Variants in CFAP46 observed in about 807,000 individuals in gnomAD.
The protein encoded by CFAP46 is cilia- and flagella-associated protein 46.
In CFAP46, 245 loss-of-function variants were observed where a neutral mutation model predicts 325.7. The ratio of observed to expected loss-of-function variants is 0.75; its 90% CI spans 0.68 to 0.84. CFAP46 has a LOEUF of 0.84. Among genes scored for constraint, CFAP46 ranks in the 40% least tolerant of loss-of-function variants. The probability of loss-of-function intolerance (pLI) is 0.00; values close to 1 mark genes in which losing one functional copy is unlikely to be tolerated. For missense variants in CFAP46, 3,346 were observed against 3,543.0 expected, an observed-to-expected ratio of 0.94 and a Z score of 1.41; for synonymous variants, 1,523 against 1,495.9, an observed-to-expected ratio of 1.02 and a Z score of -0.42.
At chr10:132,937,340 T>C in intron 6 of CFAP46, 1 of 587,838 alleles carries the variant, frequency 1.7e-6, no homozygotes, top group Admixed American at 3.6e-5. Flanking sequence ...CAAAAGACCC[T>C]GTTTTGTTTT....
rs1457530982 is a variant in CFAP46, at chr10:132,919,631, C to T, written c.1731-189G>A. 6.6e-6 allele frequency among the ~76,000 whole-genome samples: 1 copy of T among 152,098 alleles called. No homozygotes were observed. Among genetic ancestry groups the T allele is most frequent in the East Asian group, 1.9e-4 (1 of 5,174 alleles). On this transcript the variant is annotated intron_variant, in intron 14 of 57. Transcript: ENST00000368586. This position sits in a 1 kb window ranked among gnomAD's most constrained non-coding sequence, Gnocchi z 9.7. ...TGTCCCAGGGTCGGGCGCAGCTCTC[C>T]GCTCTCCCTGCCAGCCAGCTGTGCG...
At chr10:132,900,437 C>T (rs1024517995) in intron 22 of CFAP46, among the ~76,000 whole-genome samples, 3 of 152,378 alleles carry the variant, frequency 2.0e-5, no homozygotes, top group South Asian at 4.1e-4. Context: ...CACGCCCTTG[C>T]GGCTCAGCTC....
At chr10:132,836,412 C>G (rs1400919578) in intron 45 of CFAP46, among the ~76,000 whole-genome samples, 194 bp from the exon 46 acceptor site, 1 of 152,178 alleles carries the variant, frequency 6.6e-6, no homozygotes, top group Non-Finnish European at 1.5e-5. Flanking sequence ...GGATTGAGAA[C>G]ACGCTGGGTC....
intron 39 of CFAP46, among the ~76,000 whole-genome samples, chr10:132,851,779 G>T (rs1036926945): frequency 1.3e-5 from 2 of 152,388 alleles, no homozygotes; most frequent in Middle Eastern, 3.4e-3. Flanking sequence ...CAGTTCTGGG[G>T]CTACTACCAA....
At chr10:132,913,328 G>A (rs891875322) in intron 17 of CFAP46, 70 bp from the exon 18 acceptor site, 7 of 1,296,986 alleles carry the variant, frequency 5.4e-6, no homozygotes, top group Non-Finnish European at 1.1e-6. Context: ...CAGGAAGGCT[G>A]CGGGGCCTGT....
At chr10:132,879,315 G>A (rs1849003279) in intron 29 of CFAP46, 111 bp downstream of exon 29, 4 of 1,092,754 alleles carry the variant, frequency 3.7e-6, no homozygotes, top group Non-Finnish European at 5.0e-6. Flanking sequence ...AGGTCTTTAG[G>A]AAATGCTGGG....
intron 50 of CFAP46, among the ~76,000 whole-genome samples, chr10:132,825,283 GCTGATGTGTGCTGTGTGTA>G (rs1272661886): frequency 2.7e-5 from 4 of 148,456 alleles, no homozygotes; most frequent in Non-Finnish European, 4.5e-5. Flanking sequence ...CTGTGTGTGT[GCTGATGTGTGCTGTGTGTA>G]CTGATGTGTG....
intron 10 of CFAP46, among the ~76,000 whole-genome samples, chr10:132,926,105 G>A (rs552696412): frequency 4.1e-4 from 62 of 152,364 alleles, no homozygotes; most frequent in African/African-American, 1.4e-3. Flanking sequence ...CAGACAGCAG[G>A]ACAGAGGTGG....
At chr10:132,821,993 TTGTGTGTGC>T (rs1448477891) in intron 50 of CFAP46, among the ~76,000 whole-genome samples, 3 of 129,698 alleles carry the variant, frequency 2.3e-5, no homozygotes, top group African/African-American at 3.2e-5. Flanking sequence ...GTGTGTGCGC[TTGTGTGTGC>T]TGTGTGTGCT....
intron 29 of CFAP46, among the ~76,000 whole-genome samples, chr10:132,879,130 G>A (rs1207756695): frequency 1.3e-5 from 2 of 152,312 alleles, no homozygotes; most frequent in South Asian, 4.1e-4. Flanking sequence ...AGGGAGGACC[G>A]GCTGATCTGG....
chr10:132,932,387 G>A (rs1174829922), intron 8 of CFAP46, among the ~76,000 whole-genome samples: 1 of 138,264 alleles, frequency 7.2e-6, no homozygotes, highest in African/African-American at 2.8e-5. Flanking sequence ...CGCAGAGGCT[G>A]GGCCTTCCTC....
rs1278750468 is a variant in CFAP46 at position 132,919,174 on chromosome 10, G to A, written c.1858+141C>T. ...GATTGGCGGTCCTGATAATTAGTGG[G>A]AACTGCTACCATTGTGACTTAGCAA... is the stretch of plus-strand genomic sequence containing the variant. On this transcript the variant is annotated intron_variant, in intron 15 of 57. Coordinates refer to ENST00000368586, the MANE Select transcript of CFAP46 (RefSeq NM_001200049.3). The surrounding 1 kb of genome is among the most constrained non-coding windows in gnomAD (Gnocchi z 9.7). The A allele has an allele frequency of 1.1e-5, 10 of 925,360 alleles. No individual in the cohort carries two copies. The highest frequency in any genetic ancestry group is 1.5e-5 in the Non-Finnish European group (10 of 656,332). The allele number at this position is 925,360 out of a possible 1,614,324, so 57.3% of individuals were successfully genotyped here.
chr10:132,863,505 C>G (rs988507636), intron 35 of CFAP46, among the ~76,000 whole-genome samples: 1 of 152,080 alleles, frequency 6.6e-6, no homozygotes, highest in African/African-American at 2.4e-5. Context: ...TATCAGAGAC[C>G]TGCACACACC....
intron 34 of CFAP46, among the ~76,000 whole-genome samples, chr10:132,866,375 C>T (rs991194318): frequency 2.0e-5 from 3 of 152,192 alleles, no homozygotes; most frequent in African/African-American, 4.8e-5. Context: ...GCCTTTCCCC[C>T]GACAGACCTC....
chr10:132,915,915 T>C (rs187868006), intron 17 of CFAP46, among the ~76,000 whole-genome samples: 2 of 152,316 alleles, frequency 1.3e-5, no homozygotes, highest in East Asian at 3.9e-4. Flanking sequence ...GTAAAATTCT[T>C]GTCAATTAAA....
At chr10:132,879,209 CTT>C (rs1347144900) in intron 29 of CFAP46, among the ~76,000 whole-genome samples, 2 of 152,150 alleles carry the variant, frequency 1.3e-5, no homozygotes, top group East Asian at 1.9e-4. Context: ...AGAGGGGAGT[CTT>C]TTGTTTTGGG....
At chr10:132,902,287 TG>T (rs1849401984) in intron 22 of CFAP46, among the ~76,000 whole-genome samples, 1 of 151,708 alleles carries the variant, frequency 6.6e-6, no homozygotes, top group Admixed American at 6.5e-5. Context: ...GAAAGCTCTG[TG>T]GCCCCACGGG....
At chr10:132,937,482 C>T (rs759208342) in intron 6 of CFAP46, 70 bp downstream of exon 6, 154 of 1,576,874 alleles carry the variant, frequency 9.8e-5, no homozygotes, top group South Asian at 8.2e-4. Flanking sequence ...GTAATTTCTA[C>T]GCAGTTTTCT....
At position 132,828,221 on chromosome 10, in the gene CFAP46, G is replaced by C. The variant is rs1848091641; in HGVS notation, c.7117+5137C>G. ...TGTCTCCTTATCTCTTTGGTAGATG[G>C]AGTGGAATGACTGCGGCATACAACA... On this transcript the variant is annotated intron_variant, in intron 50 of 57. Transcript: ENST00000368586. The surrounding 1 kb of genome is among the most constrained non-coding windows in gnomAD (Gnocchi z 4.9). Among the ~76,000 whole-genome samples the C allele has an allele frequency of 6.6e-6, 1 of 152,242 alleles. No homozygotes were observed. Among genetic ancestry groups the C allele is most frequent in the African/African-American group, 2.4e-5 (1 of 41,466 alleles).
Sources: gnomAD v4.1 joint callset for allele counts (sites outside exome capture counted in the v4.1 genomes callset) on GRCh38, gnomAD v4.1.1 for gene constraint, Gnocchi (gnomAD v3.1) non-coding constraint, MANE v1.5 for transcripts, NCBI Gene and HGNC (gene_info 2026-07-23, HGNC 2026-07-21) for gene names.